The following CFAP47 variants were observed in gnomAD, a reference collection of about 807,000 sequenced individuals.
CFAP47 encodes the protein cilia and flagella associated protein 47.
In CFAP47, 29 loss-of-function variants were observed where a neutral mutation model predicts 148.1. The observed-to-expected ratio is 0.20, with a 90% CI of 0.15 to 0.27. The LOEUF (loss-of-function observed/expected upper bound fraction) is 0.27, where lower values mean the gene tolerates loss of function less well. CFAP47 is among the 10% of genes least tolerant of loss of function. The pLI, the probability that CFAP47 is intolerant of heterozygous loss-of-function variation, is 1.00. For missense variants in CFAP47, 1,872 were observed against 1,697.5 expected, an observed-to-expected ratio of 1.10 and a Z score of -1.81; for synonymous variants, 664 against 577.3, an observed-to-expected ratio of 1.15 and a Z score of -2.15.
chrX:36,147,222 A>C (rs1273596262), intron 36 of CFAP47, among the ~76,000 whole-genome samples: 1 of 101,169 alleles, frequency 9.9e-6, no homozygotes, highest in African/African-American at 4.7e-5. Flanking sequence ...AAGCAGAATA[A>C]AGAATGTCAT....
At chrX:35,931,249 G>GA (rs1298128311) in intron 2 of CFAP47, among the ~76,000 whole-genome samples, 2 of 111,289 alleles carry the variant, frequency 1.8e-5, no homozygotes, top group Non-Finnish European at 3.8e-5. Flanking sequence ...CTTTCTGGTA[G>GA]ATTGATCCTT....
chrX:36,030,816 C>T (rs1937271281), intron 22 of CFAP47, among the ~76,000 whole-genome samples: 1 of 109,842 alleles, frequency 9.1e-6, no homozygotes. Flanking sequence ...CATTTACTCC[C>T]AGAGTTTTCT....
At chrX:36,004,990 G>GAT (rs1294345580) in intron 21 of CFAP47, among the ~76,000 whole-genome samples, 1 of 110,491 alleles carries the variant, frequency 9.1e-6, no homozygotes, top group Non-Finnish European at 1.9e-5. Flanking sequence ...CTAATTTATT[G>GAT]ATATATATGT....
At chrX:36,070,397 G>A (rs1330396678) in intron 27 of CFAP47, among the ~76,000 whole-genome samples, 1 of 110,887 alleles carries the variant, frequency 9.0e-6, no homozygotes, top group African/African-American at 3.3e-5. Flanking sequence ...TAGGAGCTGG[G>A]ACTTGACACC....
intron 26 of CFAP47, among the ~76,000 whole-genome samples, chrX:36,052,939 A>G (rs1937527292): frequency 9.0e-6 from 1 of 111,309 alleles, no homozygotes; most frequent in African/African-American, 3.3e-5. Context: ...CTGTTTTTGA[A>G]TGGATAGGAA....
intron 27 of CFAP47, among the ~76,000 whole-genome samples, chrX:36,070,595 G>A (rs967076965): frequency 1.1e-4 from 12 of 106,843 alleles, no homozygotes; most frequent in Non-Finnish European, 9.6e-5. Flanking sequence ...GGGTTCAAGC[G>A]ATTCTCATGC....
chrX:36,215,345 C>G lies in CFAP47; in HGVS notation c.6817+10235C>G, dbSNP rs187518824. 2.5e-4 allele frequency among the ~76,000 whole-genome samples: 28 copies of G among 111,432 alleles called. 1 individual carries two copies. The East Asian group carries it at 5.9e-3, about 24-fold the overall frequency. Reference sequence around the variant, plus strand: ...CTGTTTGCTAAACTTTACTCCATGGCCCTAGCATTTAAGGTGGCATTCTCT... The same window carrying G: ...CTGTTTGCTAAACTTTACTCCATGGGCCTAGCATTTAAGGTGGCATTCTCT... On this transcript the variant is annotated intron_variant, in intron 45 of 63. Coordinates refer to ENST00000378653, the MANE Select transcript of CFAP47 (RefSeq NM_001304548.2).
At chrX:36,290,908 C>A (rs782019731) in intron 51 of CFAP47, among the ~76,000 whole-genome samples, 1 of 112,469 alleles carries the variant, frequency 8.9e-6, no homozygotes, top group African/African-American at 3.2e-5. Context: ...GTTATTAACA[C>A]TGGCTAGGCA....
At chrX:36,176,166 T>G (rs1939677153) in intron 39 of CFAP47, among the ~76,000 whole-genome samples, 1 of 112,887 alleles carries the variant, frequency 8.9e-6, no homozygotes, top group Non-Finnish European at 1.9e-5. Context: ...GGCTCGTGCA[T>G]GGTGTGCGCA....
At chrX:36,076,932 G>T (rs1226598706) in intron 29 of CFAP47, among the ~76,000 whole-genome samples, 1 of 111,190 alleles carries the variant, frequency 9.0e-6, no homozygotes, top group Admixed American at 9.6e-5. Flanking sequence ...AAAGTTAGGG[G>T]TCTACTTTTA....
chrX:36,036,982 CCT>C (rs1237235637), intron 24 of CFAP47, among the ~76,000 whole-genome samples: 1 of 112,114 alleles, frequency 8.9e-6, no homozygotes, highest in African/African-American at 3.2e-5. Context: ...CTTTTTATTA[CCT>C]CTCTTTAAAT....
chrX:36,097,496 A>G lies in CFAP47; in HGVS notation c.4917-1297A>G, dbSNP rs150366736. ...TTTTTCATATTTGAAGGATAATTTTACTAGATATTCTATTTTAGTGTAAAA... is the reference window on the plus strand; with the variant it reads ...TTTTTCATATTTGAAGGATAATTTTGCTAGATATTCTATTTTAGTGTAAAA... On this transcript the variant is annotated intron_variant, in intron 30 of 63. Coordinates refer to ENST00000378653, the MANE Select transcript of CFAP47 (RefSeq NM_001304548.2). Among the ~76,000 whole-genome samples the G allele has an allele frequency of 5.3e-3, 593 of 111,185 alleles. 4 individuals are homozygous for G. Among genetic ancestry groups the G allele is most frequent in the African/African-American group, 0.017 (537 of 30,715 alleles).
chrX:36,368,229 A>G (rs1556020716), intron 62 of CFAP47: 1 of 112,129 alleles, frequency 8.9e-6, no homozygotes, highest in Non-Finnish European at 1.9e-5. Context: ...GTTTATCCAA[A>G]AAAGACTAAA....
chrX:36,094,571 T>C (rs975771017), intron 30 of CFAP47, among the ~76,000 whole-genome samples: 6 of 111,249 alleles, frequency 5.4e-5, no homozygotes, highest in Middle Eastern at 4.2e-3. Context: ...TGGTTTTCTT[T>C]ATAGAGATAT....
intron 30 of CFAP47, 102 bp downstream of exon 30, chrX:36,085,640 AACAC>A (rs200423976): frequency 9.3e-4 from 303 of 327,116 alleles, no homozygotes; most frequent in Non-Finnish European, 1.0e-3. Flanking sequence ...TTTCTAACCA[AACAC>A]ACACACACAC....
intron 62 of CFAP47, among the ~76,000 whole-genome samples, chrX:36,377,594 T>C (rs1285260079): frequency 1.8e-5 from 2 of 111,922 alleles, no homozygotes; most frequent in African/African-American, 6.5e-5. Flanking sequence ...AACTGGTTTC[T>C]GGATTTCTCA....
intron 59 of CFAP47, among the ~76,000 whole-genome samples, chrX:36,350,901 G>C (rs1438502615): frequency 4.5e-5 from 5 of 111,095 alleles, no homozygotes; most frequent in Non-Finnish European, 7.6e-5. Context: ...GCATCACTAA[G>C]ATGCACTGAA....
intron 45 of CFAP47, among the ~76,000 whole-genome samples, chrX:36,224,027 A>T (rs1940242548): frequency 9.0e-6 from 1 of 111,202 alleles, no homozygotes; most frequent in Non-Finnish European, 1.9e-5. Context: ...TATAAAGTTA[A>T]AAATTGTTTT....
chrX:36,329,749 G>A lies in CFAP47; in HGVS notation c.8443+10442G>A, dbSNP rs1048033065. ...TTATTTTTAATTTAAGGTAAATTTG[G>A]GTAAGTAATTTGATGAGTTTTGGTT... is the stretch of plus-strand genomic sequence containing the variant. On this transcript the variant is annotated intron_variant, in intron 57 of 63. Coordinates refer to ENST00000378653, the MANE Select transcript of CFAP47 (RefSeq NM_001304548.2). Among the ~76,000 whole-genome samples the A allele has an allele frequency of 2.7e-5, 3 of 110,757 alleles. No individual in the cohort carries two copies. The Admixed American group carries it at 2.9e-4, about 11-fold the overall frequency.
Sources: allele counts gnomAD v4.1 joint callset (sites outside exome capture counted in the v4.1 genomes callset), GRCh38; gene constraint gnomAD v4.1.1; transcripts MANE v1.5; gene names NCBI Gene and HGNC (gene_info 2026-07-23, HGNC 2026-07-21).